BPTF: variants seen among roughly 807,000 people sequenced by gnomAD.
The protein encoded by BPTF is bromodomain PHD finger transcription factor, also known as nucleosome-remodeling factor subunit BPTF.
BPTF carries 18 observed loss-of-function variants against 292.5 expected under a neutral mutation model. That is an observed-to-expected ratio of 0.06 (90% CI 0.04 to 0.09). The LOEUF (loss-of-function observed/expected upper bound fraction) is 0.09. BPTF is among the 10% of genes least tolerant of loss of function. BPTF has a pLI of 1.00. For missense variants in BPTF, 2,726 were observed against 3,498.7 expected, an observed-to-expected ratio of 0.78 and a Z score of 5.57; for synonymous variants, 1,225 against 1,251.9, an observed-to-expected ratio of 0.98 and a Z score of 0.45.
intron 23 of BPTF, among the ~76,000 whole-genome samples, chr17:67,948,601 G>A (rs1217338815): frequency 6.6e-6 from 1 of 152,164 alleles, no homozygotes; most frequent in Non-Finnish European, 1.5e-5. Flanking sequence ...ACATAGTCTA[G>A]CCAAAAGTAA....
intron 12 of BPTF, among the ~76,000 whole-genome samples, chr17:67,919,657 C>G (rs1331071834): frequency 2.0e-5 from 3 of 152,128 alleles, no homozygotes; most frequent in Non-Finnish European, 4.4e-5. Context: ...GTGAACCAGT[C>G]TACATTTTTT....
intron 26 of BPTF, among the ~76,000 whole-genome samples, chr17:67,971,935 T>G (rs1475719028): frequency 3.9e-5 from 6 of 152,096 alleles, no homozygotes; most frequent in African/African-American, 9.7e-5. Context: ...TGGAAAACAC[T>G]GAGTATTATC....
chr17:67,866,903 C>T lies in BPTF; in HGVS notation c.1660+216C>T, dbSNP rs189135725. Among the ~76,000 whole-genome samples the T allele has an allele frequency of 8.5e-5, 13 of 152,318 alleles. No homozygotes were observed. The East Asian group carries it at 1.5e-3, about 18-fold the overall frequency. ...ACACAAACCATACACCTAGGTTATA[C>T]GGCATAGCCTGTTGCTGCTAGGCTG... is the stretch of plus-strand genomic sequence containing the variant. On this transcript the variant is annotated intron_variant, in intron 3 of 27. Coordinates refer to ENST00000306378, the MANE Select transcript of BPTF (RefSeq NM_182641.4).
In BPTF at chr17:67,959,249, G is replaced by A. The variant is rs557352170; in HGVS notation, c.7927-292G>A. 2.6e-5 allele frequency among the ~76,000 whole-genome samples: 4 copies of A among 151,366 alleles called. No homozygotes were observed. The South Asian group carries it at 8.4e-4, about 32-fold the overall frequency. On this transcript the variant is annotated intron_variant, in intron 23 of 27. Coordinates refer to ENST00000306378, the MANE Select transcript of BPTF (RefSeq NM_182641.4). Reference sequence around the variant, plus strand: ...CAGAAAGAGCCCAGATGGGACAGGGGCAAGCCAGGAGGGACGCTCTTCCTA... The same window carrying A: ...CAGAAAGAGCCCAGATGGGACAGGGACAAGCCAGGAGGGACGCTCTTCCTA...
rs542720259 is a variant in BPTF at position 67,870,075 on chromosome 17, C to G, written c.1660+3388C>G. Among the ~76,000 whole-genome samples the G allele has an allele frequency of 2.7e-5, 4 of 150,252 alleles. No homozygotes were observed. In the East Asian group the frequency reaches 7.8e-4, roughly 29 times the overall value. On this transcript the variant is annotated intron_variant, in intron 3 of 27. Coordinates refer to ENST00000306378, the MANE Select transcript of BPTF (RefSeq NM_182641.4). ...GGGGAACAACAAAGAGAACATTGAG[C>G]TTTAGGCCACAATATGTTCTTAGAA... is the stretch of plus-strand genomic sequence containing the variant.
intron 4 of BPTF, among the ~76,000 whole-genome samples, chr17:67,888,029 A>T (rs2060855327): frequency 6.6e-6 from 1 of 151,788 alleles, no homozygotes; most frequent in Non-Finnish European, 1.5e-5. Context: ...CTCCAGCAAA[A>T]GTTGGGTAGG....
At chr17:67,944,564 A>T in intron 20 of BPTF, 192 bp downstream of exon 20, 1 of 606,862 alleles carries the variant, frequency 1.6e-6, no homozygotes, top group Non-Finnish European at 2.9e-6. Flanking sequence ...CCCTGTTACC[A>T]CCACCCTCTC....
In BPTF at chr17:67,870,001, C is replaced by CAA. The variant is rs59327152; in HGVS notation, c.1660+3338_1660+3339dup. ...GGCGACACAGAGCGAGACTCCGTCT[C>CAA]AAAAAAAAAAAAAAAAAAAAAAAAA... is the stretch of plus-strand genomic sequence containing the variant. On this transcript the variant is annotated intron_variant, in intron 3 of 27. Transcript: ENST00000306378. Among the ~76,000 whole-genome samples the CAA allele has an allele frequency of 3.2e-3, 189 of 58,696 alleles. 1 individual carries two copies. The highest frequency in any genetic ancestry group is 4.0e-3 in the Non-Finnish European group (114 of 28,646). 38.5% of individuals were successfully genotyped at this position (58,696 alleles called of 152,430 possible).
chr17:67,854,751 A>C lies in BPTF; in HGVS notation c.1425A>C (p.Arg475=). The change falls in exon 2 of 28, where the codon CGA becomes CGC. Residue 475 remains arginine, a synonymous_variant. Transcript: ENST00000306378. The surrounding 1 kb of genome is among the most constrained non-coding windows in gnomAD (Gnocchi z 5.6). ...RSRRKYWFLN[R]RLIIEEDTEN... is the part of the protein sequence containing the mutation. ...GGAGGAAATACTGGTTCTTGAACCG[A>C]AGACTCATAATGTAAGTAAATCTGG... is the stretch of plus-strand genomic sequence containing the variant. The C allele has an allele frequency of 1.9e-6, 3 of 1,611,342 alleles. No homozygotes were observed. Among genetic ancestry groups the C allele is most frequent in the Non-Finnish European group, 2.5e-6 (3 of 1,177,750 alleles).
chr17:67,853,575 A>G (rs1440296003), intron 1 of BPTF, among the ~76,000 whole-genome samples: 1 of 151,802 alleles, frequency 6.6e-6, no homozygotes, highest in Non-Finnish European at 1.5e-5. Context: ...TTCTTGTCAA[A>G]TCATTCACAA....
intron 18 of BPTF, among the ~76,000 whole-genome samples, chr17:67,939,097 T>G (rs2065160104): frequency 6.6e-6 from 1 of 152,208 alleles, no homozygotes; most frequent in African/African-American, 2.4e-5. Flanking sequence ...TAGTACTATA[T>G]TCCTACTATG....
intron 26 of BPTF, among the ~76,000 whole-genome samples, chr17:67,972,130 T>G (rs1038484493): frequency 2.0e-5 from 3 of 152,234 alleles, no homozygotes; most frequent in African/African-American, 7.2e-5. Context: ...TCTGCTAATT[T>G]GGCAAAGAAA....
chr17:67,870,029 A>T (rs1316944654), intron 3 of BPTF, among the ~76,000 whole-genome samples: 5 of 148,992 alleles, frequency 3.4e-5, no homozygotes, highest in African/African-American at 1.2e-4. Context: ...AAAAAAAATT[A>T]GCAAAACCTT....
chr17:67,954,375 A>G (rs1165453873), intron 23 of BPTF, among the ~76,000 whole-genome samples: 2 of 152,018 alleles, frequency 1.3e-5, no homozygotes, highest in Admixed American at 1.3e-4. Context: ...CTTTTCAAAC[A>G]TTTAAGTTTT....
At chr17:67,892,714 A>C (rs1208590878) in intron 5 of BPTF, among the ~76,000 whole-genome samples, 4 of 152,092 alleles carry the variant, frequency 2.6e-5, no homozygotes, top group African/African-American at 9.7e-5. Context: ...TCACATACAC[A>C]TTTTTTCATA....
intron 26 of BPTF, among the ~76,000 whole-genome samples, chr17:67,967,538 TGGAAATG>T (rs2068256656): frequency 6.6e-6 from 1 of 151,866 alleles, no homozygotes; most frequent in Admixed American, 6.6e-5. Context: ...ACAAAAACAT[TGGAAATG>T]GCGGGGTGGC....
intron 13 of BPTF, among the ~76,000 whole-genome samples, chr17:67,922,477 C>G (rs557636479): frequency 3.9e-5 from 6 of 152,144 alleles, no homozygotes; most frequent in African/African-American, 1.4e-4. Flanking sequence ...ATGTTGGGGT[C>G]CAGAGGATGA....
intron 4 of BPTF, among the ~76,000 whole-genome samples, chr17:67,885,257 C>T (rs772049054): frequency 1.2e-4 from 19 of 152,114 alleles, no homozygotes; most frequent in Non-Finnish European, 2.4e-4. Flanking sequence ...AAGAACTATA[C>T]TCTTAGTGAT....
chr17:67,977,374 G>T (rs1440597615), intron 27 of BPTF, among the ~76,000 whole-genome samples: 1 of 152,020 alleles, frequency 6.6e-6, no homozygotes, highest in Admixed American at 6.6e-5. Context: ...AATTAGGCAG[G>T]CATAATGGTG....
Sources: allele counts gnomAD v4.1 joint callset (sites outside exome capture counted in the v4.1 genomes callset), GRCh38; gene constraint gnomAD v4.1.1; non-coding constraint Gnocchi (gnomAD v3.1); transcripts MANE v1.5; gene names NCBI Gene and HGNC (gene_info 2026-07-23, HGNC 2026-07-21).